ANK2: variants seen among roughly 807,000 people sequenced by gnomAD.
The protein encoded by ANK2 is ankyrin 2.
Under a neutral mutation model 360.5 loss-of-function variants are expected in ANK2, and 83 were observed. The ratio of observed to expected loss-of-function variants is 0.23; its 90% CI spans 0.19 to 0.28. The LOEUF (loss-of-function observed/expected upper bound fraction) is 0.28. ANK2 is among the 10% of genes least tolerant of loss of function. ANK2 has a pLI of 1.00. For missense variants in ANK2, 4,201 were observed against 4,795.7 expected, an observed-to-expected ratio of 0.88 and a Z score of 3.66; for synonymous variants, 1,740 against 1,759.5, an observed-to-expected ratio of 0.99 and a Z score of 0.28.
At chr4:112,989,107 C>T (rs533983765) in intron 2 of ANK2, among the ~76,000 whole-genome samples, 28 of 152,104 alleles carry the variant, frequency 1.8e-4, no homozygotes, top group Non-Finnish European at 3.5e-4. Flanking sequence ...AGCCAAAAGG[C>T]TGAGAAGCAA....
rs114891456 is a variant in ANK2 at position 113,359,250 on chromosome 4, G to A, written c.10632G>A (p.Glu3544=). Residue 3544 remains glutamate (E), a synonymous_variant, in exon 38 of 46, where the codon GAG becomes GAA. Transcript: ENST00000357077. The part of the protein sequence containing the change: ...DTRPIWDESI[E]TLIERIPDEN... ...GGCCCATTTGGGATGAGTCTATTGA[G>A]ACTCTGATTGAACGCATCCCTGATG... 7 of 1,613,918 alleles carry A rather than the reference G, an allele frequency of 4.3e-6. No individual in the cohort carries two copies. The highest frequency in any genetic ancestry group is 2.7e-5 in the African/African-American group (2 of 75,042).
chr4:113,103,964 T>G lies in ANK2; in HGVS notation c.84+54152T>G, dbSNP rs150995814. Among the ~76,000 whole-genome samples, 1,121 of 152,276 alleles carry G rather than the reference T, an allele frequency of 7.4e-3. 5 individuals carry two copies. The highest frequency in any genetic ancestry group is 0.011 in the Non-Finnish European group (763 of 68,006). ...TCCTCCATGCCTTTGATTCCTTCCC[T>G]CTGAAGACAGACAAAATCCTGACTT... On this transcript the variant is annotated intron_variant, in intron 1 of 45. Transcript: ENST00000357077.
At chr4:113,070,459 C>T (rs543762137) in intron 1 of ANK2, among the ~76,000 whole-genome samples, 1 of 152,150 alleles carries the variant, frequency 6.6e-6, no homozygotes, top group South Asian at 2.1e-4. Context: ...AATGCATTGT[C>T]CCATCTTTGA....
At chr4:112,785,412 C>A in the ANK2 span, among the ~76,000 whole-genome samples, 5 of 150,894 alleles carry the variant, frequency 3.3e-5, no homozygotes, top group Non-Finnish European at 5.9e-5. Context: ...CTTGCTCTGT[C>A]ACCCAGGCTG....
chr4:112,869,705 C>G (rs2072143548), intron 1 of ANK2, among the ~76,000 whole-genome samples: 1 of 152,156 alleles, frequency 6.6e-6, no homozygotes, highest in South Asian at 2.1e-4. Flanking sequence ...TTATTTGAGA[C>G]AGATTCTCAG....
At chr4:113,003,739 A>G (rs575504186) in intron 2 of ANK2, among the ~76,000 whole-genome samples, 1 of 152,360 alleles carries the variant, frequency 6.6e-6, no homozygotes, top group Non-Finnish European at 1.5e-5. Flanking sequence ...AAATGAAAGC[A>G]TAAAAGAAAC....
intron 1 of ANK2, among the ~76,000 whole-genome samples, chr4:112,884,194 C>T (rs189333588): frequency 6.6e-6 from 1 of 152,078 alleles, no homozygotes; most frequent in Non-Finnish European, 1.5e-5. Context: ...GTTTTGTTAT[C>T]CCCAAAATGA....
chr4:113,335,883 C>T lies in ANK2; in HGVS notation c.3417C>T (p.Ile1139=), dbSNP rs1261091945. 1.2e-6 allele frequency: 2 copies of T among 1,614,196 alleles called. No homozygotes were observed. The highest frequency in any genetic ancestry group is 1.7e-6 in the Non-Finnish European group (2 of 1,180,026). Residue 1139 remains isoleucine (I), a synonymous_variant, in exon 30 of 46, where the codon ATC becomes ATT. Transcript: ENST00000357077. ...DSPEDLEKKR[I]CRIITRDFPQ... is the part of the protein sequence containing the mutation. ...CAGAAGACCTAGAAAAGAAACGAAT[C>T]TGCCGCATCATCACCCGAGACTTCC... is the stretch of plus-strand genomic sequence containing the variant.
intron 6 of ANK2, 51 bp downstream of exon 6, chr4:113,237,223 T>C: frequency 2.6e-6 from 4 of 1,564,566 alleles, no homozygotes; most frequent in Non-Finnish European, 2.6e-6. Context: ...GCTGCCAGAC[T>C]CCTCCTGGGG....
the ANK2 span, among the ~76,000 whole-genome samples, chr4:112,801,697 A>T: frequency 5.5e-3 from 833 of 152,332 alleles, 4 homozygotes; most frequent in African/African-American, 0.018. Flanking sequence ...TAAGCATGCA[A>T]AATTAGGAAA....
chr4:113,199,123 A>AT lies in ANK2; in HGVS notation c.384+18dup. 1 of 1,573,940 alleles carries AT rather than the reference A, an allele frequency of 6.4e-7. No homozygotes were observed. Among genetic ancestry groups the AT allele is most frequent in the South Asian group, 1.1e-5 (1 of 90,236 alleles). ...GCACAGTCTCAGGTATTCCATTCAG[A>AT]TTTTCCCTGATGTACATACATTTAA... On this transcript the variant is annotated intron_variant, in intron 4 of 45. Coordinates refer to ENST00000357077, the MANE Select transcript of ANK2 (RefSeq NM_001148.6).
At chr4:113,239,453 G>A (rs886806866) in intron 7 of ANK2, among the ~76,000 whole-genome samples, 8 of 152,072 alleles carry the variant, frequency 5.3e-5, no homozygotes, top group African/African-American at 1.9e-4. Flanking sequence ...AAGTAAAAGA[G>A]AGCAATACCA....
intron 2 of ANK2, among the ~76,000 whole-genome samples, chr4:112,917,059 G>C (rs545627871): frequency 3.0e-4 from 46 of 152,338 alleles, no homozygotes; most frequent in African/African-American, 1.1e-3. Context: ...TGCAAAGGCA[G>C]GGGGATGTGA....
the ANK2 span, among the ~76,000 whole-genome samples, chr4:112,806,655 C>T: frequency 1.3e-5 from 2 of 151,926 alleles, no homozygotes; most frequent in African/African-American, 4.8e-5. Context: ...CATGGCAAGA[C>T]CCAGTCTCTA....
the ANK2 span, among the ~76,000 whole-genome samples, chr4:112,725,613 G>A: frequency 6.6e-6 from 1 of 152,152 alleles, no homozygotes; most frequent in Non-Finnish European, 1.5e-5. Flanking sequence ...TCCCGCCTCA[G>A]CCTCCCAAAG....
In ANK2 at chr4:113,209,173, G is replaced by A. The variant is rs2098990696; in HGVS notation, c.384+10064G>A. On this transcript the variant is annotated intron_variant, in intron 4 of 45. Coordinates refer to ENST00000357077, the MANE Select transcript of ANK2 (RefSeq NM_001148.6). ...CAGAAAGAATAGGGGCCTGGAGCAT[G>A]GCAAAACAAGTTATGGGAGGGGGAG... 1.3e-5 allele frequency among the ~76,000 whole-genome samples: 2 copies of A among 151,928 alleles called. 1 individual carries two copies. The highest frequency in any genetic ancestry group is 4.9e-5 in the African/African-American group (2 of 41,224).
intron 2 of ANK2, among the ~76,000 whole-genome samples, chr4:113,023,429 T>C (rs1382375673): frequency 2.0e-5 from 3 of 152,180 alleles, no homozygotes; most frequent in African/African-American, 7.2e-5. Context: ...ATGCCCATCA[T>C]GCATGCTCTA....
At chr4:113,250,736 C>A in intron 10 of ANK2, among the ~76,000 whole-genome samples, 1 of 131,864 alleles carries the variant, frequency 7.6e-6, no homozygotes, top group Non-Finnish European at 1.6e-5. Context: ...CTCCCTATTC[C>A]ATTCCACCTC....
chr4:113,066,969 G>T (rs644851), intron 1 of ANK2, among the ~76,000 whole-genome samples: 130,137 of 151,828 alleles, frequency 0.86, 56,075 homozygotes, highest in African/African-American at 0.93. Flanking sequence ...TTATGTGAGT[G>T]TTTTGTTGCT....
Sources: allele counts gnomAD v4.1 joint callset (sites outside exome capture counted in the v4.1 genomes callset), GRCh38; gene constraint gnomAD v4.1.1; transcripts MANE v1.5; gene names NCBI Gene and HGNC (gene_info 2026-07-23, HGNC 2026-07-21).